The following CACNA2D3 variants were observed in gnomAD, a reference collection of about 807,000 sequenced individuals.
The protein encoded by CACNA2D3 is calcium voltage-gated channel auxiliary subunit alpha2delta 3, also known as voltage-dependent calcium channel subunit alpha-2/delta-3.
Under a neutral mutation model 160.6 loss-of-function variants are expected in CACNA2D3, and 60 were observed. The ratio of observed to expected loss-of-function variants is 0.37; its 90% CI spans 0.30 to 0.46. The LOEUF is 0.46. Among genes scored for constraint, CACNA2D3 ranks in the 20% least tolerant of loss-of-function variants. The pLI is 1.00. For synonymous variants in CACNA2D3, 558 were observed against 492.9 expected (o/e 1.13, Z -1.75); for missense variants, 1,205 against 1,365.0 (o/e 0.88, Z 1.85).
At chr3:54,204,351 T>TATAACC (rs1701232820) in intron 2 of CACNA2D3, among the ~76,000 whole-genome samples, 1 of 144,668 alleles carries the variant, frequency 6.9e-6, no homozygotes, top group Non-Finnish European at 1.5e-5. Context: ...TAACCATATG[T>TATAACC]ATATGGCTCT....
chr3:54,178,700 A>G (rs1380868941), intron 2 of CACNA2D3, among the ~76,000 whole-genome samples: 1 of 152,236 alleles, frequency 6.6e-6, no homozygotes, highest in African/African-American at 2.4e-5. Flanking sequence ...AATTGATACC[A>G]TCAACAGAAA....
chr3:54,619,293 A>G (rs888330398), intron 9 of CACNA2D3, among the ~76,000 whole-genome samples: 1 of 152,194 alleles, frequency 6.6e-6, no homozygotes, highest in African/African-American at 2.4e-5. Context: ...CCTCCCCCTC[A>G]GCAGTTACTT....
chr3:54,993,925 G>T (rs1050724781), intron 31 of CACNA2D3, among the ~76,000 whole-genome samples: 1 of 123,724 alleles, frequency 8.1e-6, no homozygotes, highest in Admixed American at 8.7e-5. Context: ...TGTGTGTTTT[G>T]TGTGTGTGTG....
chr3:54,739,807 A>G (rs6805352), intron 11 of CACNA2D3, among the ~76,000 whole-genome samples: 2 of 150,118 alleles, frequency 1.3e-5, no homozygotes. Context: ...AATTATATAT[A>G]TGTGTGTGTG....
intron 4 of CACNA2D3, among the ~76,000 whole-genome samples, chr3:54,387,612 A>G (rs1559467765): frequency 6.6e-6 from 1 of 152,212 alleles, no homozygotes. Flanking sequence ...AGATTGAGCC[A>G]TTGCACTGCA....
chr3:55,014,243 T>G (rs1353560163), intron 34 of CACNA2D3, among the ~76,000 whole-genome samples: 1 of 152,078 alleles, frequency 6.6e-6, no homozygotes, highest in African/African-American at 2.4e-5. Flanking sequence ...GTGAAGGTGG[T>G]GGTGGTTTAC....
At chr3:54,821,641 G>GTTCTTTCTTTCTTTCTTTCT (rs1181056443) in intron 14 of CACNA2D3, among the ~76,000 whole-genome samples, 7 of 107,830 alleles carry the variant, frequency 6.5e-5, no homozygotes, top group Non-Finnish European at 9.5e-5. Context: ...AGAGTCTTTC[G>GTTCTTTCTTTCTTTCTTTCT]TTCTTTCTTT....
chr3:54,529,449 G>A (rs945333260), intron 5 of CACNA2D3, among the ~76,000 whole-genome samples: 4 of 152,188 alleles, frequency 2.6e-5, no homozygotes, highest in Admixed American at 6.5e-5. Context: ...TAAGAATCCA[G>A]CTTTGAAGCC....
chr3:54,708,299 G>T (rs1308779518), intron 11 of CACNA2D3, among the ~76,000 whole-genome samples: 1 of 152,156 alleles, frequency 6.6e-6, no homozygotes, highest in Admixed American at 6.6e-5. Context: ...CGAATTTGAT[G>T]GCAGGCGAAA....
intron 11 of CACNA2D3, among the ~76,000 whole-genome samples, chr3:54,652,432 TAA>T: frequency 6.6e-6 from 1 of 152,148 alleles, no homozygotes; most frequent in East Asian, 1.9e-4. Flanking sequence ...CATTTAATCA[TAA>T]GTCTTCTGAA....
intron 6 of CACNA2D3, among the ~76,000 whole-genome samples, chr3:54,566,217 C>T (rs1338118745): frequency 1.3e-5 from 2 of 152,206 alleles, no homozygotes; most frequent in Non-Finnish European, 2.9e-5. Flanking sequence ...TCATTGATCC[C>T]TCTCCTCCAA....
chr3:54,953,698 G>A (rs552864822), intron 27 of CACNA2D3, among the ~76,000 whole-genome samples: 43 of 152,226 alleles, frequency 2.8e-4, no homozygotes, highest in Non-Finnish European at 4.8e-4. Context: ...TGTGCTGGTT[G>A]TTTCCCCCTT....
At chr3:54,533,332 C>CTTTTTTTTTTT (rs60076440) in intron 5 of CACNA2D3, among the ~76,000 whole-genome samples, 1 of 97,306 alleles carries the variant, frequency 1.0e-5, no homozygotes, top group African/African-American at 4.1e-5. Flanking sequence ...CTTTTCTTTC[C>CTTTTTTTTTTT]TTTTTTTTTT....
At chr3:54,829,498 G>A (rs935522189) in intron 14 of CACNA2D3, among the ~76,000 whole-genome samples, 3 of 152,124 alleles carry the variant, frequency 2.0e-5, no homozygotes, top group Non-Finnish European at 2.9e-5. Flanking sequence ...TTGCCACATA[G>A]TCTGCTTACA....
chr3:54,831,181 A>G (rs950533891), intron 14 of CACNA2D3, among the ~76,000 whole-genome samples: 6 of 152,188 alleles, frequency 3.9e-5, no homozygotes, highest in Non-Finnish European at 5.9e-5. Context: ...CCATTTGTGC[A>G]CAACCTTCCC....
intron 27 of CACNA2D3, among the ~76,000 whole-genome samples, chr3:54,910,468 T>C (rs1329566899): frequency 6.6e-6 from 1 of 152,202 alleles, no homozygotes; most frequent in Non-Finnish European, 1.5e-5. Flanking sequence ...TCTTTTGTCG[T>C]GGCCTATTAG....
chr3:54,896,896 T>A, intron 26 of CACNA2D3, 26 bp downstream of exon 26: 3 of 1,613,690 alleles, frequency 1.9e-6, no homozygotes, highest in Middle Eastern at 1.7e-4. Flanking sequence ...GGAGGCGGGC[T>A]CTGTCTGTCT....
chr3:54,879,423 C>G lies in CACNA2D3; in HGVS notation c.1844+12C>G. ...GGTACTCCTTTCAGGTAGAGCTGAC[C>G]ATAATACATGGACATTCCATCAGAC... On this transcript the variant is annotated intron_variant, in intron 20 of 37. Transcript: ENST00000474759. 2 of 1,579,308 alleles carry G rather than the reference C, an allele frequency of 1.3e-6. No homozygotes were observed. The highest frequency in any genetic ancestry group is 1.7e-4 in the Middle Eastern group (1 of 5,966).
intron 4 of CACNA2D3, among the ~76,000 whole-genome samples, chr3:54,397,478 A>G (rs1440144498): frequency 9.0e-6 from 1 of 110,638 alleles, no homozygotes; most frequent in African/African-American, 3.6e-5. Flanking sequence ...CCCTCTACAC[A>G]CTGCTTTGAA....
Sources: allele counts gnomAD v4.1 joint callset (sites outside exome capture counted in the v4.1 genomes callset), GRCh38; gene constraint gnomAD v4.1.1; transcripts MANE v1.5; gene names NCBI Gene and HGNC (gene_info 2026-07-23, HGNC 2026-07-21).